Variants in CADM1 observed in about 807,000 individuals in gnomAD.
CADM1 encodes cell adhesion molecule 1.
CADM1 carries 15 observed loss-of-function variants against 53.1 expected under a neutral mutation model. The observed-to-expected ratio is 0.28, with a 90% CI of 0.19 to 0.44. The LOEUF (loss-of-function observed/expected upper bound fraction) is 0.44. CADM1 is among the 20% of genes least tolerant of loss of function. The probability of loss-of-function intolerance (pLI) is 1.00; values close to 1 mark genes in which losing one functional copy is unlikely to be tolerated. For synonymous variants in CADM1, 281 were observed against 243.0 expected (o/e 1.16, Z -1.45); for missense variants, 434 against 611.3 (o/e 0.71, Z 3.06).
intron 10 of CADM1, 194 bp from the exon 11 acceptor site, chr11:115,178,969 C>A (rs1456192333): frequency 1.6e-6 from 1 of 640,206 alleles, no homozygotes; most frequent in Middle Eastern, 4.2e-4. Context: ...GTTCTCCCCA[C>A]GAGGCAATTT....
intron 5 of CADM1, among the ~76,000 whole-genome samples, chr11:115,228,146 C>T (rs865911047): frequency 2.0e-5 from 3 of 152,138 alleles, no homozygotes; most frequent in Non-Finnish European, 4.4e-5. Context: ...CCTGGGACTC[C>T]TAGAGCTGGA....
intron 1 of CADM1, among the ~76,000 whole-genome samples, chr11:115,288,970 AC>A (rs1344570662): frequency 6.6e-6 from 1 of 151,524 alleles, no homozygotes; most frequent in Non-Finnish European, 1.5e-5. Flanking sequence ...ACCTCACACT[AC>A]CCCCAGGTTA....
intron 10 of CADM1, among the ~76,000 whole-genome samples, chr11:115,180,617 C>T (rs1343238849): frequency 6.6e-6 from 1 of 151,780 alleles, no homozygotes; most frequent in East Asian, 1.9e-4. Context: ...AGGCAGAACT[C>T]GGTCAAGGGA....
chr11:115,330,165 C>T (rs114962291), intron 1 of CADM1, among the ~76,000 whole-genome samples: 1 of 151,998 alleles, frequency 6.6e-6, no homozygotes, highest in African/African-American at 2.4e-5. Flanking sequence ...ATTTCCCTGC[C>T]TCCTGTCCAT....
intron 1 of CADM1, chr11:115,399,540 A>G (rs1243762371): frequency 6.6e-6 from 1 of 152,178 alleles, no homozygotes; most frequent in Non-Finnish European, 1.5e-5. Context: ...AGAAAACACC[A>G]TTATTGTAAA....
At chr11:115,322,831 AT>A (rs537085567) in intron 1 of CADM1, among the ~76,000 whole-genome samples, 33 of 152,194 alleles carry the variant, frequency 2.2e-4, no homozygotes, top group Admixed American at 5.2e-4. Context: ...TATTGTTTCC[AT>A]TTTTTTGATT....
intron 1 of CADM1, among the ~76,000 whole-genome samples, chr11:115,362,882 C>A (rs1946064627): frequency 6.6e-6 from 1 of 152,142 alleles, no homozygotes; most frequent in Non-Finnish European, 1.5e-5. Flanking sequence ...GATATTAATT[C>A]TATTATAAGT....
rs968032538 is a variant in CADM1 at position 115,172,731 on chromosome 11, T to A, written c.*3743A>T. Reference sequence around the variant, plus strand: ...CTCAATAACTGCATATCTGATTTTTTTTTTTTTTTTTTTTTTTTTTTTTTT... The same window carrying A: ...CTCAATAACTGCATATCTGATTTTTATTTTTTTTTTTTTTTTTTTTTTTTT... On this transcript the variant is annotated 3_prime_UTR_variant, in exon 12 of 12. Coordinates refer to ENST00000331581, the MANE Select transcript of CADM1 (RefSeq NM_001301043.2). The A allele has an allele frequency of 8.7e-5, 3 of 34,408 alleles. No individual in the cohort carries two copies. Among genetic ancestry groups the A allele is most frequent in the Non-Finnish European group, 1.8e-4 (3 of 16,302 alleles). 2.1% of individuals were successfully genotyped at this position (34,408 alleles called of 1,614,324 possible). A position where few individuals can be genotyped will look rare whatever the true frequency, so the allele number is the denominator to read the frequency against.
intron 1 of CADM1, among the ~76,000 whole-genome samples, chr11:115,462,573 A>T (rs903249374): frequency 6.6e-6 from 1 of 152,204 alleles, no homozygotes; most frequent in African/African-American, 2.4e-5. Context: ...ACCAGAGCAG[A>T]GCCCCATGAA....
intron 5 of CADM1, among the ~76,000 whole-genome samples, chr11:115,226,474 A>C (rs924019679): frequency 3.3e-5 from 5 of 152,242 alleles, no homozygotes; most frequent in African/African-American, 9.6e-5. Flanking sequence ...CAAAAGGTTA[A>C]GAACTGCTGA....
At chr11:115,458,135 C>G (rs1469433058) in intron 1 of CADM1, among the ~76,000 whole-genome samples, 1 of 152,036 alleles carries the variant, frequency 6.6e-6, no homozygotes, top group Non-Finnish European at 1.5e-5. Flanking sequence ...CTCTCTCTCT[C>G]TCTCTCTAAT....
At chr11:115,279,372 T>C (rs1943527263) in intron 1 of CADM1, among the ~76,000 whole-genome samples, 1 of 152,172 alleles carries the variant, frequency 6.6e-6, no homozygotes, top group African/African-American at 2.4e-5. Flanking sequence ...ACAAAGACCA[T>C]GTAAGAGCAA....
At chr11:115,323,568 C>T (rs371595153) in intron 1 of CADM1, among the ~76,000 whole-genome samples, 3 of 151,930 alleles carry the variant, frequency 2.0e-5, no homozygotes, top group Non-Finnish European at 4.4e-5. Context: ...CTAAATGATG[C>T]GGAAGAGGTT....
chr11:115,403,859 A>G (rs1178592040), intron 1 of CADM1, among the ~76,000 whole-genome samples: 1 of 151,738 alleles, frequency 6.6e-6, no homozygotes, highest in Non-Finnish European at 1.5e-5. Context: ...AGCCTCCCAT[A>G]GTGCTGGGAT....
At chr11:115,177,482 T>C (rs1939090330) in intron 11 of CADM1, among the ~76,000 whole-genome samples, 1 of 152,198 alleles carries the variant, frequency 6.6e-6, no homozygotes, top group Non-Finnish European at 1.5e-5. Context: ...AAGAGTCTTC[T>C]ATTTAAAAAG....
intron 10 of CADM1, among the ~76,000 whole-genome samples, chr11:115,188,529 G>C (rs958714678): frequency 6.6e-6 from 1 of 152,054 alleles, no homozygotes; most frequent in Non-Finnish European, 1.5e-5. Context: ...CGGGGCAAAG[G>C]GGACAAAAGG....
At chr11:115,447,848 G>A (rs1023973019) in intron 1 of CADM1, among the ~76,000 whole-genome samples, 73 of 152,208 alleles carry the variant, frequency 4.8e-4, no homozygotes, top group African/African-American at 1.7e-3. Context: ...GCCACAGTGA[G>A]CCATAGCTGT....
intron 1 of CADM1, among the ~76,000 whole-genome samples, chr11:115,491,128 T>C (rs1949487407): frequency 6.6e-6 from 1 of 152,152 alleles, no homozygotes; most frequent in Non-Finnish European, 1.5e-5. Context: ...AGGCATTTAT[T>C]TGCCAACTTA....
intron 8 of CADM1, among the ~76,000 whole-genome samples, chr11:115,206,509 G>A (rs996322652): frequency 6.6e-6 from 1 of 152,090 alleles, no homozygotes; most frequent in African/African-American, 2.4e-5. Context: ...GAAGTCAGGC[G>A]ACTCAGAACA....
Sources: gnomAD v4.1 joint callset for allele counts (sites outside exome capture counted in the v4.1 genomes callset) on GRCh38, gnomAD v4.1.1 for gene constraint, MANE v1.5 for transcripts, NCBI Gene and HGNC (gene_info 2026-07-23, HGNC 2026-07-21) for gene names.